SCARA3: variants seen among roughly 807,000 people sequenced by gnomAD.
SCARA3 encodes scavenger receptor class A member 3.
SCARA3 carries 39 observed loss-of-function variants against 47.0 expected under a neutral mutation model. The observed-to-expected ratio is 0.83, with a 90% CI of 0.64 to 1.08. The LOEUF (loss-of-function observed/expected upper bound fraction) is 1.08. Ranked by LOEUF, SCARA3 falls within the 50% of genes least tolerant of loss-of-function variation. The probability of loss-of-function intolerance (pLI) is 0.00; values close to 1 mark genes in which losing one functional copy is unlikely to be tolerated. For synonymous variants in SCARA3, 356 were observed against 334.1 expected (o/e 1.07, Z -0.71); for missense variants, 724 against 792.3 (o/e 0.91, Z 1.04).
intron 1 of SCARA3, among the ~76,000 whole-genome samples, chr8:27,648,332 C>T (rs897741290): frequency 4.6e-4 from 70 of 152,352 alleles, no homozygotes; most frequent in African/African-American, 1.6e-3. Flanking sequence ...GGAGGCAGGG[C>T]GCAGTGGCTC....
intron 5 of SCARA3, among the ~76,000 whole-genome samples, chr8:27,660,291 G>C (rs1054564825): frequency 6.6e-5 from 10 of 151,886 alleles, no homozygotes; most frequent in African/African-American, 2.4e-4. Flanking sequence ...AGAATCAATA[G>C]TGTATATATA....
the SCARA3 span, among the ~76,000 whole-genome samples, chr8:27,685,861 CTG>C: frequency 0.076 from 11,573 of 152,246 alleles, 494 homozygotes; most frequent in East Asian, 0.22. Flanking sequence ...ATTTTTATGA[CTG>C]GGGAGGTGCT....
the SCARA3 span, among the ~76,000 whole-genome samples, chr8:27,733,016 AC>A: frequency 6.6e-6 from 1 of 152,122 alleles, no homozygotes; most frequent in Admixed American, 6.5e-5. Context: ...TTTCAGGCAG[AC>A]CCCCAGGAAT....
chr8:27,699,149 C>A, the SCARA3 span, among the ~76,000 whole-genome samples: 5 of 151,534 alleles, frequency 3.3e-5, no homozygotes, highest in South Asian at 1.0e-3. Context: ...GAGGCTGAGG[C>A]AGAAGAATAG....
At chr8:27,711,363 A>G in the SCARA3 span, among the ~76,000 whole-genome samples, 1 of 152,234 alleles carries the variant, frequency 6.6e-6, no homozygotes, top group Non-Finnish European at 1.5e-5. Flanking sequence ...GAAGCATTTC[A>G]ATCCATTGCA....
downstream of SCARA3, among the ~76,000 whole-genome samples, chr8:27,681,250 T>G (rs944845045): frequency 6.6e-6 from 1 of 152,140 alleles, no homozygotes; most frequent in Non-Finnish European, 1.5e-5. Context: ...ACATAAAAAC[T>G]CGCTTTTAAT....
At chr8:27,634,250 G>A in intron 1 of SCARA3, 43 bp downstream of exon 1, 1 of 1,327,842 alleles carries the variant, frequency 7.5e-7, no homozygotes, top group Non-Finnish European at 9.6e-7. Context: ...GGGGCCGCCT[G>A]CACCCCCGCT....
chr8:27,701,272 G>C, the SCARA3 span: 1 of 152,166 alleles, frequency 6.6e-6, no homozygotes, highest in Non-Finnish European at 1.5e-5. Context: ...GGATGGGATG[G>C]TTAGGATGGG....
intron 4 of SCARA3, among the ~76,000 whole-genome samples, chr8:27,657,697 T>C (rs1448570801): frequency 1.3e-5 from 2 of 151,360 alleles, no homozygotes; most frequent in Admixed American, 6.6e-5. Context: ...GCAGCCAGCA[T>C]GCCCGGCTAA....
At chr8:27,687,931 G>C in the SCARA3 span, among the ~76,000 whole-genome samples, 2 of 152,154 alleles carry the variant, frequency 1.3e-5, no homozygotes, top group Non-Finnish European at 2.9e-5. Flanking sequence ...TGGGAGAATT[G>C]CTTGAACCCG....
downstream of SCARA3, among the ~76,000 whole-genome samples, chr8:27,675,616 C>CATATTT (rs1802263414): frequency 6.6e-6 from 1 of 152,058 alleles, no homozygotes; most frequent in Admixed American, 6.5e-5. Context: ...ATGGTGAAAC[C>CATATTT]CCGTCTCTAC....
rs192898751 is a variant in SCARA3, at chr8:27,640,426, C to G, written c.7+6219C>G. Among the ~76,000 whole-genome samples, 301 of 152,196 alleles carry G rather than the reference C, an allele frequency of 2.0e-3. 2 individuals carry two copies. Among genetic ancestry groups the G allele is most frequent in the Non-Finnish European group, 3.3e-3 (226 of 68,006 alleles). ...CTTTGAGACATAGTCTCACTCTGTGCCCAGGCTGGAGTGCAGTGGTACCAT... is the reference window on the plus strand; with the variant it reads ...CTTTGAGACATAGTCTCACTCTGTGGCCAGGCTGGAGTGCAGTGGTACCAT... On this transcript the variant is annotated intron_variant, in intron 1 of 5. Transcript: ENST00000301904.
intron 5 of SCARA3, among the ~76,000 whole-genome samples, chr8:27,663,284 G>A (rs541955): frequency 0.36 from 54,429 of 152,128 alleles, 10,710 homozygotes; most frequent in Middle Eastern, 0.52. Context: ...GTACCTACAT[G>A]TCCTGCAGAA....
In SCARA3 at chr8:27,658,500, G is replaced by A. The variant is rs553147900; in HGVS notation, c.330G>A (p.Pro110=). Residue 110 remains proline (P), a synonymous_variant, in exon 5 of 6, where the codon CCG becomes CCA. Transcript: ENST00000301904. ...LMQKNLQGLD[P]KALNNCSFCH... ...TGTTATCCCTTTCCCCTAAAGATCC[G>A]AAAGCCCTGAACAACTGCTCTTTCT... 36 of 1,600,244 alleles carry A rather than the reference G, an allele frequency of 2.2e-5. 1 individual carries two copies. Among genetic ancestry groups the A allele is most frequent in the South Asian group, 2.0e-4 (18 of 88,330 alleles).
At chr8:27,722,797 C>T in the SCARA3 span, among the ~76,000 whole-genome samples, 1 of 152,186 alleles carries the variant, frequency 6.6e-6, no homozygotes, top group South Asian at 2.1e-4. Flanking sequence ...GCTGCTTCCC[C>T]AGACTGTTAC....
the SCARA3 span, among the ~76,000 whole-genome samples, chr8:27,682,217 T>A: frequency 2.0e-3 from 301 of 152,132 alleles, 3 homozygotes; most frequent in African/African-American, 6.7e-3. Context: ...CAATTGGATA[T>A]CCATATGGGA....
chr8:27,658,947 A>G lies in SCARA3; in HGVS notation c.777A>G (p.Thr259=). The G allele has an allele frequency of 6.2e-7, 1 of 1,614,068 alleles. No individual in the cohort carries two copies. The highest frequency in any genetic ancestry group is 8.5e-7 in the Non-Finnish European group (1 of 1,180,000). The change falls in exon 5 of 6, where the codon ACA becomes ACG. Residue 259 remains threonine, a synonymous_variant. Transcript: ENST00000301904. ...QKIVTDWQNY[T]RLFSGLRTTS... ...TTGTCACCGACTGGCAGAACTACAC[A>G]CGGCTCTTCAGCGGCCTGCGCACCA... is the stretch of plus-strand genomic sequence containing the variant.
chr8:27,692,364 G>A, the SCARA3 span, among the ~76,000 whole-genome samples: 1 of 151,076 alleles, frequency 6.6e-6, no homozygotes, highest in African/African-American at 2.4e-5. Flanking sequence ...AGGTTGTGGT[G>A]AGCTGAGATC....
the SCARA3 span, among the ~76,000 whole-genome samples, chr8:27,729,347 C>T: frequency 2.6e-5 from 4 of 152,210 alleles, no homozygotes; most frequent in African/African-American, 9.6e-5. Context: ...CCACAGCTCA[C>T]AGGATGTGAG....
Sources: allele counts gnomAD v4.1 joint callset (sites outside exome capture counted in the v4.1 genomes callset), GRCh38; gene constraint gnomAD v4.1.1; transcripts MANE v1.5; gene names NCBI Gene and HGNC (gene_info 2026-07-23, HGNC 2026-07-21).